Variants in ABCA10 observed in about 807,000 individuals in gnomAD.
The protein encoded by ABCA10 is ATP binding cassette subfamily A member 10.
Under a neutral mutation model 187.5 loss-of-function variants are expected in ABCA10, and 169 were observed. The observed-to-expected ratio is 0.90, with a 90% CI of 0.80 to 1.02. The LOEUF (loss-of-function observed/expected upper bound fraction) is 1.02. ABCA10 is among the 50% of genes least tolerant of loss of function. The pLI, the probability that ABCA10 is intolerant of heterozygous loss-of-function variation, is 0.00. For synonymous variants in ABCA10, 574 were observed against 601.8 expected, an observed-to-expected ratio of 0.95 and a Z score of 0.68; for missense variants, 1,727 against 1,812.4, an observed-to-expected ratio of 0.95 and a Z score of 0.86.
chr17:69,191,253 G>A lies in ABCA10; in HGVS notation c.1934C>T (p.Pro645Leu), dbSNP rs1474526108. ...ACTTTCTGTTGTTAACTTGGCATCA[G>A]GAATGTGCTGCTTAATAAGGGATGT... ...KITSLIKQHI[P>L]DAKLTTESEE... The change falls in exon 17 of 39, where the codon CCT (proline) becomes CTT (leucine). Residue 645 changes from proline (P) to leucine (L), a missense_variant. By Grantham distance (98) the Pro-to-Leu change is moderately conservative. Transcript: ENST00000690296. The A allele has an allele frequency of 1.2e-6, 2 of 1,603,792 alleles. No homozygotes were observed. The highest frequency in any genetic ancestry group is 1.7e-5 in the Admixed American group (1 of 59,256).
chr17:69,192,312 A>AAAC (rs76365069), intron 16 of ABCA10, among the ~76,000 whole-genome samples: 12 of 150,742 alleles, frequency 8.0e-5, no homozygotes, highest in South Asian at 2.1e-4. Context: ...TGTCTTCAAA[A>AAAC]AAACAAACAA....
At chr17:69,152,310 ACTCT>A in intron 35 of ABCA10, 48 bp downstream of exon 35, 2 of 1,585,266 alleles carry the variant, frequency 1.3e-6, no homozygotes, top group South Asian at 1.2e-5. Context: ...GCAAACTGAA[ACTCT>A]CTCTATAAGA....
At chr17:69,230,699 A>T (rs1323103895), upstream of ABCA10, among the ~76,000 whole-genome samples, 1 of 152,072 alleles carries the variant, frequency 6.6e-6, no homozygotes, top group African/African-American at 2.4e-5. Flanking sequence ...ATCAGAGGCA[A>T]TTTGGCAGAA....
upstream of ABCA10, among the ~76,000 whole-genome samples, chr17:69,230,755 ACT>A (rs1407877933): frequency 1.3e-5 from 2 of 151,990 alleles, no homozygotes; most frequent in African/African-American, 2.4e-5. Context: ...CCCAGAGGAA[ACT>A]CAGCCAATTT....
rs148882454 is a variant in ABCA10, at chr17:69,185,075, C to T, written c.2497+402G>A. Among the ~76,000 whole-genome samples, 69 of 152,092 alleles carry T rather than the reference C, an allele frequency of 4.5e-4. 1 individual carries two copies. The highest frequency in any genetic ancestry group is 4.3e-3 in the Admixed American group (66 of 15,282). On this transcript the variant is annotated intron_variant, in intron 20 of 38. Transcript: ENST00000690296. ...TGGAAAACCAAACATCATATGTTAT[C>T]ACTTATAAGTGGGAGCTAAGCTATG...
chr17:69,191,352 T>C, intron 16 of ABCA10, 37 bp from the exon 17 acceptor site: 1 of 1,477,636 alleles, frequency 6.8e-7, no homozygotes, highest in East Asian at 2.4e-5. Flanking sequence ...TCTTGAATTC[T>C]TTTCCAACAC....
At chr17:69,208,977 G>A (rs1183316425) in intron 9 of ABCA10, among the ~76,000 whole-genome samples, 1 of 152,200 alleles carries the variant, frequency 6.6e-6, no homozygotes, top group Non-Finnish European at 1.5e-5. Context: ...AGGAGGTCAA[G>A]GCTGCAGTGA....
intron 9 of ABCA10, among the ~76,000 whole-genome samples, chr17:69,205,923 C>T (rs2074588231): frequency 1.3e-5 from 2 of 152,148 alleles, no homozygotes; most frequent in South Asian, 2.1e-4. Context: ...TATCAAAAAG[C>T]TCTCAGTTCG....
intron 34 of ABCA10, 37 bp from the exon 35 acceptor site, chr17:69,152,518 G>A (rs1248905499): frequency 6.3e-7 from 1 of 1,575,912 alleles, no homozygotes; most frequent in Admixed American, 1.9e-5. Context: ...CATTTAGAAA[G>A]TAATTTGGGG....
At chr17:69,163,996 T>A in intron 27 of ABCA10, 78 bp downstream of exon 27, 2 of 1,130,458 alleles carry the variant, frequency 1.8e-6, no homozygotes, top group Non-Finnish European at 2.4e-6. Flanking sequence ...ACATTTAAAT[T>A]TGGCATACCT....
chr17:69,155,165 C>A, intron 29 of ABCA10, 29 bp from the exon 30 acceptor site: 1 of 1,500,020 alleles, frequency 6.7e-7, no homozygotes, highest in South Asian at 1.2e-5. Flanking sequence ...CATGATTTCC[C>A]TGTTAAATTT....
intron 2 of ABCA10, among the ~76,000 whole-genome samples, chr17:69,226,777 GC>G (rs1026192117): frequency 6.6e-6 from 1 of 151,690 alleles, no homozygotes; most frequent in Non-Finnish European, 1.5e-5. Flanking sequence ...ATTTTATTTT[GC>G]CTAGCTTATC....
chr17:69,193,741 T>C (rs2074478843), intron 13 of ABCA10, 73 bp downstream of exon 13: 10 of 1,571,596 alleles, frequency 6.4e-6, no homozygotes, highest in South Asian at 3.5e-5. Context: ...AGTAGAGTAA[T>C]AGCTGAACAA....
Position 69,182,789 on chromosome 17 carries a change from G to C in ABCA10, c.2517C>G (p.Leu839=), listed in dbSNP as rs113050212. The C allele has an allele frequency of 6.2e-7, 1 of 1,604,204 alleles. No homozygotes were observed. Among genetic ancestry groups the C allele is most frequent in the Admixed American group, 1.7e-5 (1 of 58,854 alleles). ...TATCCTGACACTTCAGTGAATGCAC[G>C]AGGTCTTCAATATTTGATCCTAACA... ...VNNTGSNIED[L]VHSLKCQDIV... The change falls in exon 21 of 39, where the codon CTC becomes CTG. Residue 839 remains leucine, a synonymous_variant. Coordinates refer to ENST00000690296, the MANE Select transcript of ABCA10 (RefSeq NM_001377321.1).
intron 1 of ABCA10, among the ~76,000 whole-genome samples, chr17:69,238,782 A>G (rs1211066999): frequency 1.3e-5 from 2 of 152,112 alleles, no homozygotes; most frequent in Non-Finnish European, 2.9e-5. Flanking sequence ...TTCTCTTTCA[A>G]TTGGTTGTGG....
At chr17:69,155,968 T>C (rs1158100477) in intron 28 of ABCA10, 43 bp from the exon 29 acceptor site, 1 of 1,582,930 alleles carries the variant, frequency 6.3e-7, no homozygotes, top group Non-Finnish European at 8.6e-7. Context: ...ATTTTGGCTG[T>C]ACAACTGTTA....
intron 9 of ABCA10, among the ~76,000 whole-genome samples, chr17:69,213,070 T>C (rs1039037661): frequency 5.3e-5 from 8 of 152,196 alleles, no homozygotes; most frequent in African/African-American, 1.9e-4. Flanking sequence ...AGCCAGGGTG[T>C]TGCAAGTGGT....
intron 1 of ABCA10, among the ~76,000 whole-genome samples, chr17:69,241,748 G>T (rs1165175480): frequency 1.3e-5 from 2 of 152,150 alleles, no homozygotes; most frequent in African/African-American, 4.8e-5. Context: ...TTTTTTTAAA[G>T]TAGGTAATTT....
At chr17:69,228,524 A>G (rs187970496) in intron 1 of ABCA10, 57 bp downstream of exon 1, 6 of 152,160 alleles carry the variant, frequency 3.9e-5, no homozygotes, top group African/African-American at 1.2e-4. Context: ...TTGGCTATAT[A>G]CTTTATATCT....
Sources: allele counts gnomAD v4.1 joint callset (sites outside exome capture counted in the v4.1 genomes callset), GRCh38; gene constraint gnomAD v4.1.1; transcripts MANE v1.5; gene names NCBI Gene and HGNC (gene_info 2026-07-23, HGNC 2026-07-21).